The following GDA variants were observed in gnomAD, a reference collection of about 807,000 sequenced individuals.
GDA encodes guanine deaminase, also known as cytoplasmic PSD-95 interactor.
In GDA, 18 loss-of-function variants were observed where a neutral mutation model predicts 59.6. The ratio of observed to expected loss-of-function variants is 0.30; its 90% CI spans 0.21 to 0.45. The LOEUF (loss-of-function observed/expected upper bound fraction) is 0.45. Ranked by LOEUF, GDA falls within the 20% of genes least tolerant of loss-of-function variation. The probability of loss-of-function intolerance (pLI) is 1.00; values close to 1 mark genes in which losing one functional copy is unlikely to be tolerated. For missense variants in GDA, 427 were observed against 552.3 expected, an observed-to-expected ratio of 0.77 and a Z score of 2.27; for synonymous variants, 201 against 201.1, an observed-to-expected ratio of 1.00 and a Z score of 0.00.
intron 1 of GDA, among the ~76,000 whole-genome samples, chr9:72,137,224 G>C (rs1319582463): frequency 1.5e-5 from 2 of 133,186 alleles, no homozygotes; most frequent in African/African-American, 2.7e-5. Flanking sequence ...AAAAAAATTA[G>C]GATCCTTTTC....
chr9:72,202,784 C>T, intron 3 of GDA, 42 bp downstream of exon 3: 1 of 1,433,924 alleles, frequency 7.0e-7, no homozygotes, highest in Non-Finnish European at 9.7e-7. Flanking sequence ...GTTTGGTCAT[C>T]TATAGAAATA....
chr9:72,132,264 G>T (rs1826050558), intron 1 of GDA, among the ~76,000 whole-genome samples: 1 of 152,150 alleles, frequency 6.6e-6, no homozygotes, highest in Admixed American at 6.5e-5. Flanking sequence ...TTCTGAGGGT[G>T]CCCAACCACG....
rs1328338626 is a variant in GDA, at chr9:72,248,879, G to A, written c.*537G>A. 5.1e-6 allele frequency: 5 copies of A among 985,292 alleles called. No homozygotes were observed. The highest frequency in any genetic ancestry group is 6.0e-6 in the Non-Finnish European group (5 of 829,290). 61.0% of individuals were successfully genotyped at this position (985,292 alleles called of 1,614,324 possible). A position where few individuals can be genotyped will look rare whatever the true frequency, so the allele number is the denominator to read the frequency against. The stretch of plus-strand genomic sequence containing the variant: ...AAGAGAACTTGTTGAAATTTAAAAC[G>A]TGTTTCTAGGTTGACCTTGTGTTTT... On this transcript the variant is annotated 3_prime_UTR_variant, in exon 14 of 14. Coordinates refer to ENST00000358399, the MANE Select transcript of GDA (RefSeq NM_004293.5).
At chr9:72,181,022 G>A (rs149714768) in intron 1 of GDA, among the ~76,000 whole-genome samples, 1,904 of 152,240 alleles carry the variant, frequency 0.013, 22 homozygotes, top group Middle Eastern at 0.02. Flanking sequence ...TTACCAATGT[G>A]TGCATTTCAC....
Position 72,248,801 on chromosome 9 carries a change from A to G in GDA, c.*459A>G. On this transcript the variant is annotated 3_prime_UTR_variant, in exon 14 of 14. Transcript: ENST00000358399. Reference sequence around the variant, plus strand: ...AAGTTAGACTGAGAACAAACGTTAGAAAATCACTTCAGATTGTGTTTGAAA... The same window carrying G: ...AAGTTAGACTGAGAACAAACGTTAGGAAATCACTTCAGATTGTGTTTGAAA... 5 of 990,866 alleles carry G rather than the reference A, an allele frequency of 5.0e-6. No homozygotes were observed. Among genetic ancestry groups the G allele is most frequent in the Non-Finnish European group, 6.0e-6 (5 of 832,432 alleles). The allele number at this position is 990,866 out of a possible 1,614,324, so 61.4% of individuals were successfully genotyped here.
chr9:72,236,457 T>C (rs1201146632), intron 10 of GDA, among the ~76,000 whole-genome samples: 1 of 152,168 alleles, frequency 6.6e-6, no homozygotes, highest in East Asian at 1.9e-4. Flanking sequence ...TATTGAGAAA[T>C]AGAAACGACC....
At chr9:72,147,434 G>A (rs973029209), upstream of GDA, among the ~76,000 whole-genome samples, 4 of 152,052 alleles carry the variant, frequency 2.6e-5, no homozygotes, top group Admixed American at 6.6e-5. Context: ...TCTCAATCTC[G>A]ACCTCGTGAT....
downstream of GDA, among the ~76,000 whole-genome samples, chr9:72,259,609 G>C (rs1840918505): frequency 6.6e-6 from 1 of 152,142 alleles, no homozygotes; most frequent in African/African-American, 2.4e-5. Context: ...CTCTGGAGAT[G>C]GTGTGTGAAT....
Position 72,248,789 on chromosome 9 carries a change from A to G in GDA, c.*447A>G. On this transcript the variant is annotated 3_prime_UTR_variant, in exon 14 of 14. Coordinates refer to ENST00000358399, the MANE Select transcript of GDA (RefSeq NM_004293.5). ...ATGAGGGAGCAAAAGTTAGACTGAG[A>G]ACAAACGTTAGAAAATCACTTCAGA... 1 of 991,032 alleles carries G rather than the reference A, an allele frequency of 1.0e-6. No homozygotes were observed. Among genetic ancestry groups the G allele is most frequent in the Non-Finnish European group, 1.2e-6 (1 of 832,588 alleles). 61.4% of individuals were successfully genotyped at this position (991,032 alleles called of 1,614,324 possible).
chr9:72,155,676 G>A (rs115696361), intron 1 of GDA, among the ~76,000 whole-genome samples: 1 of 152,294 alleles, frequency 6.6e-6, no homozygotes, highest in African/African-American at 2.4e-5. Flanking sequence ...GGTTATAAAG[G>A]TCTAACTTCA....
chr9:72,134,594 G>A (rs1435019571), intron 1 of GDA, among the ~76,000 whole-genome samples: 3 of 151,848 alleles, frequency 2.0e-5, no homozygotes, highest in Non-Finnish European at 4.4e-5. Flanking sequence ...GTAGAGATTG[G>A]GGTTTCACCA....
chr9:72,220,006 C>A (rs1443302006), intron 6 of GDA, among the ~76,000 whole-genome samples: 3 of 151,998 alleles, frequency 2.0e-5, no homozygotes, highest in Non-Finnish European at 4.4e-5. Context: ...TCAGAATAGC[C>A]AAGATATGGA....
intron 10 of GDA, among the ~76,000 whole-genome samples, chr9:72,232,583 A>G (rs1397844273): frequency 6.6e-6 from 1 of 152,234 alleles, no homozygotes; most frequent in Non-Finnish European, 1.5e-5. Flanking sequence ...GTTACACACT[A>G]TAGTCAGTTA....
chr9:72,143,688 C>G (rs1443115789), intron 1 of GDA, among the ~76,000 whole-genome samples: 1 of 152,084 alleles, frequency 6.6e-6, no homozygotes, highest in African/African-American at 2.4e-5. Context: ...TGCATTTCTC[C>G]AAACTTAATT....
At chr9:72,200,146 T>C (rs10869146) in intron 2 of GDA, among the ~76,000 whole-genome samples, 44,215 of 151,180 alleles carry the variant, frequency 0.29, 7,785 homozygotes, top group East Asian at 0.65. Flanking sequence ...TACAGGCGCC[T>C]GCCACCACGC....
intron 1 of GDA, among the ~76,000 whole-genome samples, chr9:72,118,816 T>C (rs891101949): frequency 5.3e-5 from 8 of 152,194 alleles, no homozygotes; most frequent in South Asian, 2.1e-4. Context: ...CTGTGGTCTT[T>C]CTGGTTTTCA....
At chr9:72,202,534 T>C (rs1834126832) in intron 2 of GDA, 37 bp from the exon 3 acceptor site, 2 of 1,328,402 alleles carry the variant, frequency 1.5e-6, no homozygotes, top group African/African-American at 3.0e-5. Flanking sequence ...TGACTGAAGA[T>C]ATTATTAAAT....
chr9:72,199,090 A>C (rs1833608500), intron 2 of GDA, among the ~76,000 whole-genome samples: 1 of 152,104 alleles, frequency 6.6e-6, no homozygotes, highest in South Asian at 2.1e-4. Context: ...ATTTAGCCAT[A>C]AGTGATGTTG....
At chr9:72,224,811 T>C (rs1387813564) in intron 7 of GDA, among the ~76,000 whole-genome samples, 2 of 36,872 alleles carry the variant, frequency 5.4e-5, no homozygotes, top group Non-Finnish European at 1.1e-4. Flanking sequence ...GCCCAACCCT[T>C]TTTTTTTTTT....
Sources: allele counts gnomAD v4.1 joint callset (sites outside exome capture counted in the v4.1 genomes callset), GRCh38; gene constraint gnomAD v4.1.1; transcripts MANE v1.5; gene names NCBI Gene and HGNC (gene_info 2026-07-23, HGNC 2026-07-21).